Variants in NKAIN2 observed in about 807,000 individuals in gnomAD.
NKAIN2 encodes sodium/potassium-transporting ATPase subunit beta-1-interacting protein 2.
In NKAIN2, 14 loss-of-function variants were observed where a neutral mutation model predicts 32.6. That is an observed-to-expected ratio of 0.43 (90% confidence interval 0.28 to 0.67). NKAIN2 has a LOEUF of 0.67. NKAIN2 is among the 30% of genes least tolerant of loss of function. NKAIN2 has a pLI of 0.17. For synonymous variants in NKAIN2, 80 were observed against 87.2 expected, an observed-to-expected ratio of 0.92 and a Z score of 0.46; for missense variants, 198 against 258.3, an observed-to-expected ratio of 0.77 and a Z score of 1.60.
In NKAIN2 at chr6:124,663,935, C is replaced by A. The variant is rs149995242; in HGVS notation, c.474+5549C>A. On this transcript the variant is annotated intron_variant, in intron 4 of 6. Transcript: ENST00000368417. ...AGAACAAGATTTTTCAATGCTTAAA[C>A]CTTAAGGAGAAAAAAAACCTAGAAA... Among the ~76,000 whole-genome samples, 3 of 152,172 alleles carry A rather than the reference C, an allele frequency of 2.0e-5. No individual in the cohort carries two copies. The East Asian group carries it at 5.8e-4, about 29-fold the overall frequency.
intron 1 of NKAIN2, among the ~76,000 whole-genome samples, chr6:123,991,355 C>T (rs1344914706): frequency 2.0e-5 from 3 of 151,922 alleles, no homozygotes; most frequent in African/African-American, 7.3e-5. Flanking sequence ...ATGGGGTAGG[C>T]AAAGAGTATA....
chr6:123,996,138 T>G (rs1375211744), intron 1 of NKAIN2, among the ~76,000 whole-genome samples: 1 of 152,144 alleles, frequency 6.6e-6, no homozygotes, highest in East Asian at 1.9e-4. Context: ...AATATAAAGA[T>G]GCTTTTTATT....
At chr6:124,308,705 G>A (rs1360360176) in intron 2 of NKAIN2, among the ~76,000 whole-genome samples, 1 of 151,998 alleles carries the variant, frequency 6.6e-6, no homozygotes, top group African/African-American at 2.4e-5. Context: ...CCATTTTATG[G>A]TGCTAGTTGG....
At chr6:123,892,108 C>T (rs1774046115) in intron 1 of NKAIN2, among the ~76,000 whole-genome samples, 1 of 152,020 alleles carries the variant, frequency 6.6e-6, no homozygotes, top group South Asian at 2.1e-4. Flanking sequence ...TGGGGAGGTC[C>T]TCCCCAGGTG....
intron 3 of NKAIN2, among the ~76,000 whole-genome samples, chr6:124,586,268 T>C (rs1360888300): frequency 6.6e-6 from 1 of 152,182 alleles, no homozygotes; most frequent in African/African-American, 2.4e-5. Context: ...TACTGGTAAG[T>C]ATGCAAAGCA....
chr6:124,286,628 TTC>T (rs1319830171), intron 2 of NKAIN2, among the ~76,000 whole-genome samples: 1 of 150,664 alleles, frequency 6.6e-6, no homozygotes, highest in Non-Finnish European at 1.5e-5. Flanking sequence ...CATTTTTGTT[TTC>T]TGTTTGGAAA....
chr6:124,805,702 G>C (rs1780515803), intron 5 of NKAIN2, among the ~76,000 whole-genome samples: 1 of 152,086 alleles, frequency 6.6e-6, no homozygotes, highest in East Asian at 1.9e-4. Flanking sequence ...AGCTACAGGA[G>C]GAAATTCAAA....
intron 1 of NKAIN2, among the ~76,000 whole-genome samples, chr6:123,864,574 C>T (rs749185325): frequency 4.6e-5 from 7 of 152,092 alleles, no homozygotes; most frequent in Admixed American, 2.6e-4. Context: ...TCATTTAGAG[C>T]GGTCAAGGAA....
At chr6:124,334,969 C>G (rs1170613952) in intron 2 of NKAIN2, among the ~76,000 whole-genome samples, 1 of 152,128 alleles carries the variant, frequency 6.6e-6, no homozygotes, top group Non-Finnish European at 1.5e-5. Flanking sequence ...AACTTTCTCA[C>G]TGTTATGATT....
At chr6:124,720,998 A>G (rs1583718969) in intron 4 of NKAIN2, among the ~76,000 whole-genome samples, 1 of 152,242 alleles carries the variant, frequency 6.6e-6, no homozygotes, top group African/African-American at 2.4e-5. Flanking sequence ...GGTGTGCAGT[A>G]CAAAAACAGT....
chr6:123,889,168 T>C (rs1773873924), intron 1 of NKAIN2, among the ~76,000 whole-genome samples: 1 of 152,142 alleles, frequency 6.6e-6, no homozygotes, highest in Non-Finnish European at 1.5e-5. Flanking sequence ...ATATCTCAGC[T>C]TTTCATGCTT....
intron 1 of NKAIN2, among the ~76,000 whole-genome samples, chr6:124,061,384 G>T (rs1471885036): frequency 1.3e-5 from 2 of 151,928 alleles, no homozygotes; most frequent in Non-Finnish European, 2.9e-5. Context: ...GGGAAGCAAG[G>T]TATCTTTTCA....
intron 2 of NKAIN2, among the ~76,000 whole-genome samples, chr6:124,318,550 A>G (rs1055240439): frequency 6.6e-6 from 1 of 152,102 alleles, no homozygotes; most frequent in East Asian, 1.9e-4. Context: ...TCCCTCTTCT[A>G]TCATTTAACT....
intron 3 of NKAIN2, among the ~76,000 whole-genome samples, chr6:124,420,527 A>C (rs189268461): frequency 1.4e-4 from 22 of 152,290 alleles, no homozygotes; most frequent in Admixed American, 9.2e-4. Flanking sequence ...TTTTTTAAGA[A>C]AGCAAAAAAT....
At chr6:124,688,547 G>C (rs1025160953) in intron 4 of NKAIN2, among the ~76,000 whole-genome samples, 3 of 151,938 alleles carry the variant, frequency 2.0e-5, no homozygotes, top group Non-Finnish European at 4.4e-5. Context: ...CTTTTGGTTT[G>C]TAATAATAAC....
chr6:123,925,585 TA>T (rs376619073), intron 1 of NKAIN2, among the ~76,000 whole-genome samples: 1 of 152,248 alleles, frequency 6.6e-6, no homozygotes, highest in African/African-American at 2.4e-5. Context: ...CTCTGTAATT[TA>T]AAAAAACAGT....
intron 4 of NKAIN2, among the ~76,000 whole-genome samples, chr6:124,681,662 T>A (rs1434731524): frequency 6.6e-6 from 1 of 152,062 alleles, no homozygotes; most frequent in Non-Finnish European, 1.5e-5. Flanking sequence ...ATAGTGTATG[T>A]GCTCTGCTGC....
intron 1 of NKAIN2, among the ~76,000 whole-genome samples, chr6:124,086,930 C>T (rs979205296): frequency 2.0e-5 from 3 of 151,954 alleles, no homozygotes; most frequent in East Asian, 3.9e-4. Context: ...TCTTTCAGAA[C>T]AGCATTATCT....
chr6:124,712,689 G>A (rs559448529), intron 4 of NKAIN2, among the ~76,000 whole-genome samples: 76 of 151,524 alleles, frequency 5.0e-4, no homozygotes, highest in African/African-American at 1.8e-3. Context: ...TGCACGGTGT[G>A]CGCACCCACT....
Sources: gnomAD v4.1 joint callset for allele counts (sites outside exome capture counted in the v4.1 genomes callset) on GRCh38, gnomAD v4.1.1 for gene constraint, MANE v1.5 for transcripts, NCBI Gene and HGNC (gene_info 2026-07-23, HGNC 2026-07-21) for gene names.